ANKRD55: variants seen among roughly 807,000 people sequenced by gnomAD.
ANKRD55 encodes ankyrin repeat domain 55.
In ANKRD55, 41 loss-of-function variants were observed where a neutral mutation model predicts 60.6. That is an observed-to-expected ratio of 0.68 (90% CI 0.53 to 0.88). The LOEUF is 0.88. Among genes scored for constraint, ANKRD55 ranks in the 40% least tolerant of loss-of-function variants. ANKRD55 has a pLI of 0.00. For synonymous variants in ANKRD55, 264 were observed against 290.3 expected (o/e 0.91, Z 0.92); for missense variants, 732 against 767.6 (o/e 0.95, Z 0.55).
At chr5:56,102,779 A>G (rs1347228167) in intron 10 of ANKRD55, among the ~76,000 whole-genome samples, 193 bp from the exon 11 acceptor site, 1 of 152,234 alleles carries the variant, frequency 6.6e-6, no homozygotes, top group Non-Finnish European at 1.5e-5. Flanking sequence ...AATGATAGAA[A>G]AAGGTACTAG....
intron 7 of ANKRD55, chr5:56,127,519 CTTAATG>C: frequency 1.0e-6 from 1 of 985,214 alleles, no homozygotes; most frequent in Non-Finnish European, 1.2e-6. Flanking sequence ...CAGAGTTCAT[CTTAATG>C]TTAAAGAAGT....
intron 7 of ANKRD55, among the ~76,000 whole-genome samples, chr5:56,135,308 T>TTTCG (rs1449580370): frequency 2.8e-4 from 3 of 10,662 alleles, no homozygotes; most frequent in African/African-American, 2.0e-3. Context: ...TCTTTCTTTC[T>TTTCG]TTCTTTCTTT....
chr5:56,176,021 G>T, intron 4 of ANKRD55, 131 bp downstream of exon 4: 1 of 1,200,790 alleles, frequency 8.3e-7, no homozygotes, highest in Non-Finnish European at 1.2e-6. Context: ...GATGATTGGA[G>T]TAAAGCTTCA....
At chr5:56,112,399 G>A (rs1756739671) in intron 9 of ANKRD55, among the ~76,000 whole-genome samples, 1 of 150,374 alleles carries the variant, frequency 6.7e-6, no homozygotes, top group Admixed American at 6.7e-5. Flanking sequence ...AGGTACGGTG[G>A]CTAATGCCTA....
rs1029765146 is a variant in ANKRD55 at position 56,181,437 on chromosome 5, G to A, written c.181+2075C>T. ...TTATTATTAATATGTGTTAAATTTT[G>A]TCTAAAGCTTTTTTTGTATTAATTG... is the stretch of plus-strand genomic sequence containing the variant. On this transcript the variant is annotated intron_variant, in intron 3 of 11. Transcript: ENST00000341048. 5.3e-5 allele frequency among the ~76,000 whole-genome samples: 8 copies of A among 151,980 alleles called. No individual in the cohort carries two copies. In the South Asian group the frequency reaches 1.7e-3, roughly 32 times the overall value.
At chr5:56,153,271 C>T (rs1157989325) in intron 6 of ANKRD55, among the ~76,000 whole-genome samples, 1 of 151,914 alleles carries the variant, frequency 6.6e-6, no homozygotes, top group Non-Finnish European at 1.5e-5. Context: ...AAAACAACAA[C>T]AACAACAACA....
At chr5:56,202,646 G>T (rs982221734) in intron 2 of ANKRD55, among the ~76,000 whole-genome samples, 1 of 152,184 alleles carries the variant, frequency 6.6e-6, no homozygotes, top group African/African-American at 2.4e-5. Context: ...CCTTCATACC[G>T]TGGGAGTGGA....
At chr5:56,127,474 C>A (rs1409841935) in intron 7 of ANKRD55, 1 of 984,984 alleles carries the variant, frequency 1.0e-6, no homozygotes, top group Non-Finnish European at 1.2e-6. Flanking sequence ...ATTTGTGTCC[C>A]CATTTGCTGT....
At chr5:56,162,696 C>T (rs1758362398) in intron 5 of ANKRD55, among the ~76,000 whole-genome samples, 1 of 146,440 alleles carries the variant, frequency 6.8e-6, no homozygotes, top group Non-Finnish European at 1.5e-5. Flanking sequence ...TTGAGACAAG[C>T]TCTCACTCTG....
At chr5:56,196,965 ATACTC>A (rs1368037617) in intron 2 of ANKRD55, among the ~76,000 whole-genome samples, 1 of 152,178 alleles carries the variant, frequency 6.6e-6, no homozygotes, top group Non-Finnish European at 1.5e-5. Context: ...ACTAAATCAG[ATACTC>A]TAGGAGCAGG....
At chr5:56,187,954 C>A (rs1462158773) in intron 2 of ANKRD55, among the ~76,000 whole-genome samples, 1 of 152,150 alleles carries the variant, frequency 6.6e-6, no homozygotes, top group Admixed American at 6.5e-5. Context: ...TCCAGTTGAA[C>A]TGATTGAAGG....
At chr5:56,179,501 A>G (rs1758811783) in intron 3 of ANKRD55, among the ~76,000 whole-genome samples, 1 of 152,206 alleles carries the variant, frequency 6.6e-6, no homozygotes, top group Admixed American at 6.5e-5. Context: ...AAAAAAATCC[A>G]AGGAAAAGAT....
Position 56,111,380 on chromosome 5 carries a change from A to G in ANKRD55, c.1368T>C (p.His456=). 2 of 1,614,150 alleles carry G rather than the reference A, an allele frequency of 1.2e-6. No homozygotes were observed. Among genetic ancestry groups the G allele is most frequent in the South Asian group, 1.1e-5 (1 of 91,068 alleles). The change falls in exon 10 of 12, where the codon CAT becomes CAC. Residue 456 remains histidine, a synonymous_variant. Coordinates refer to ENST00000341048, the MANE Select transcript of ANKRD55 (RefSeq NM_024669.3). The part of the protein sequence containing the change: ...FLTASHRATS[H]AGLSSAPHHM... ...GATGAGGAGCAGAGCTCAGGCCTGC[A>G]TGGGAAGTGGCCCTATGGGAGGCTG...
intron 5 of ANKRD55, chr5:56,162,115 G>T (rs1758347987): frequency 1.2e-5 from 9 of 772,886 alleles, no homozygotes; most frequent in Non-Finnish European, 1.4e-5. Context: ...GAGGTCAGCT[G>T]TGGTCCAGTG....
intron 6 of ANKRD55, among the ~76,000 whole-genome samples, chr5:56,150,539 G>A (rs1476511686): frequency 6.6e-6 from 1 of 152,092 alleles, no homozygotes; most frequent in East Asian, 1.9e-4. Context: ...GGGAGGCAGA[G>A]GTTGCAGTGA....
chr5:56,166,350 T>C (rs958985445), intron 5 of ANKRD55, among the ~76,000 whole-genome samples: 6 of 151,612 alleles, frequency 4.0e-5, no homozygotes, highest in African/African-American at 1.2e-4. Context: ...CTCGAACTCC[T>C]GGGCTCAAGC....
At chr5:56,198,321 C>T (rs976567590) in intron 2 of ANKRD55, among the ~76,000 whole-genome samples, 1 of 151,232 alleles carries the variant, frequency 6.6e-6, no homozygotes, top group African/African-American at 2.4e-5. Context: ...TTTTTTGAGA[C>T]GGAGTTTCGC....
At chr5:56,133,703 T>A (rs1212107832) in intron 7 of ANKRD55, among the ~76,000 whole-genome samples, 1 of 113,968 alleles carries the variant, frequency 8.8e-6, no homozygotes, top group African/African-American at 2.8e-5. Context: ...ACAATATAAG[T>A]AACACATGGT....
intron 8 of ANKRD55, among the ~76,000 whole-genome samples, chr5:56,122,846 A>G (rs1757112884): frequency 6.6e-6 from 1 of 150,884 alleles, no homozygotes; most frequent in Admixed American, 6.6e-5. Flanking sequence ...GTTCACTGCA[A>G]CCTTCACCTC....
Sources: gnomAD v4.1 joint callset for allele counts (sites outside exome capture counted in the v4.1 genomes callset) on GRCh38, gnomAD v4.1.1 for gene constraint, MANE v1.5 for transcripts, NCBI Gene and HGNC (gene_info 2026-07-23, HGNC 2026-07-21) for gene names.